The following VRK2 variants were observed in gnomAD, a reference collection of about 807,000 sequenced individuals.
VRK2 encodes VRK serine/threonine kinase 2, also known as serine/threonine-protein kinase VRK2.
A neutral mutation model predicts 57.6 loss-of-function variants in VRK2; 60 were observed. The observed-to-expected ratio is 1.04, with a 90% CI of 0.85 to 1.29. The LOEUF is 1.29. Among genes scored for constraint, VRK2 ranks in the 50% most tolerant of loss-of-function variants. The pLI is 0.00. For missense variants in VRK2, 705 were observed against 588.1 expected (o/e 1.20, Z -2.06); for synonymous variants, 231 against 199.2 (o/e 1.16, Z -1.35).
intron 1 of VRK2, among the ~76,000 whole-genome samples, chr2:57,969,439 T>C (rs1302250226): frequency 6.6e-6 from 1 of 151,988 alleles, no homozygotes; most frequent in Non-Finnish European, 1.5e-5. Context: ...TTATTTTTTA[T>C]TTACACTTTT....
chr2:58,102,492 TAAAAA>T (rs570889511), intron 7 of VRK2, among the ~76,000 whole-genome samples: 9 of 105,362 alleles, frequency 8.5e-5, no homozygotes, highest in Non-Finnish European at 1.7e-4. Flanking sequence ...CAAAAACAGT[TAAAAA>T]AAAAAAAAAA....
chr2:57,975,798 A>C (rs1297657041), intron 1 of VRK2, among the ~76,000 whole-genome samples: 1 of 150,718 alleles, frequency 6.6e-6, no homozygotes, highest in Non-Finnish European at 1.5e-5. Flanking sequence ...AGTTGGGTAC[A>C]TGTGCAGATT....
chr2:57,969,848 T>G (rs2717045), intron 1 of VRK2, among the ~76,000 whole-genome samples: 173 of 152,162 alleles, frequency 1.1e-3, no homozygotes, highest in Non-Finnish European at 1.2e-3. Flanking sequence ...GGTAGCCCCA[T>G]TGTCCACCTT....
At chr2:58,142,256 G>A (rs1424431553) in intron 11 of VRK2, among the ~76,000 whole-genome samples, 3 of 151,382 alleles carry the variant, frequency 2.0e-5, no homozygotes, top group African/African-American at 4.8e-5. Context: ...TTTTGATTAG[G>A]TATTAGAAGG....
chr2:57,951,747 C>T (rs1258661131), intron 1 of VRK2, among the ~76,000 whole-genome samples: 1 of 151,930 alleles, frequency 6.6e-6, no homozygotes, highest in Admixed American at 6.6e-5. Context: ...CAGTTTTAAG[C>T]AATAAAGCAT....
chr2:58,042,865 T>C (rs899343734), upstream of VRK2, among the ~76,000 whole-genome samples: 8 of 152,222 alleles, frequency 5.3e-5, no homozygotes, highest in African/African-American at 1.9e-4. Flanking sequence ...GATTCTCTTT[T>C]CTTTCTTGTT....
intron 1 of VRK2, among the ~76,000 whole-genome samples, chr2:58,015,159 C>A (rs1306623476): frequency 1.3e-5 from 2 of 152,134 alleles, no homozygotes; most frequent in Non-Finnish European, 2.9e-5. Flanking sequence ...ATCAAGAACA[C>A]CTATTAAGTC....
intron 7 of VRK2, among the ~76,000 whole-genome samples, chr2:58,116,918 T>C (rs1409922041): frequency 1.3e-5 from 2 of 152,192 alleles, no homozygotes; most frequent in Non-Finnish European, 1.5e-5. Flanking sequence ...GCCTGGCTGC[T>C]GCGGTTCAGG....
chr2:58,075,999 CT>C (rs1290100743), intron 2 of VRK2, among the ~76,000 whole-genome samples: 4 of 151,350 alleles, frequency 2.6e-5, no homozygotes, highest in African/African-American at 9.7e-5. Context: ...CAGTTTTTTT[CT>C]TTTTTCTCCC....
intron 8 of VRK2, among the ~76,000 whole-genome samples, chr2:58,124,332 A>G (rs911001919): frequency 5.3e-5 from 8 of 152,222 alleles, no homozygotes; most frequent in East Asian, 1.9e-4. Context: ...AATATGGTCA[A>G]TGCAACTGTA....
At chr2:58,042,811 ATATTT>A (rs765899804), upstream of VRK2, among the ~76,000 whole-genome samples, 5 of 152,064 alleles carry the variant, frequency 3.3e-5, no homozygotes, top group Non-Finnish European at 5.9e-5. Flanking sequence ...AGTTTTCCCC[ATATTT>A]TTTTTCTGAT....
At chr2:58,087,444 T>G (rs1177035566) in intron 5 of VRK2, among the ~76,000 whole-genome samples, 2 of 152,174 alleles carry the variant, frequency 1.3e-5, no homozygotes, top group Non-Finnish European at 1.5e-5. Context: ...GATGAGATAC[T>G]ATTGAAAAAA....
chr2:58,126,286 C>T (rs892518409), intron 8 of VRK2, among the ~76,000 whole-genome samples: 1 of 152,080 alleles, frequency 6.6e-6, no homozygotes, highest in Non-Finnish European at 1.5e-5. Flanking sequence ...GAGTTAGCCA[C>T]TCAATAGAGA....
chr2:57,983,408 T>G (rs931329156), intron 1 of VRK2, among the ~76,000 whole-genome samples: 20 of 152,206 alleles, frequency 1.3e-4, no homozygotes, highest in African/African-American at 4.3e-4. Flanking sequence ...TCCACAGCCT[T>G]AATCACATCT....
At chr2:57,918,548 T>A (rs914300308) in intron 1 of VRK2, among the ~76,000 whole-genome samples, 1 of 152,086 alleles carries the variant, frequency 6.6e-6, no homozygotes, top group African/African-American at 2.4e-5. Flanking sequence ...GGTAAAATCT[T>A]CTTCACTTTC....
chr2:57,935,033 A>G (rs1233459516), intron 1 of VRK2, among the ~76,000 whole-genome samples: 2 of 152,180 alleles, frequency 1.3e-5, no homozygotes, highest in African/African-American at 4.8e-5. Context: ...GTTTCTTAAA[A>G]CAATTATTTT....
chr2:58,049,150 CTTG>C (rs1251529407), intron 2 of VRK2, among the ~76,000 whole-genome samples, 183 bp downstream of exon 2: 2 of 152,144 alleles, frequency 1.3e-5, no homozygotes, highest in Admixed American at 6.5e-5. Flanking sequence ...TGACCCACTC[CTTG>C]TTGTCCATGT....
chr2:57,940,963 T>C (rs2717036), intron 1 of VRK2, among the ~76,000 whole-genome samples: 98,307 of 151,818 alleles, frequency 0.65, 32,124 homozygotes, highest in African/African-American at 0.75. Context: ...TTATTACAGA[T>C]CTTAGAGAGT....
chr2:57,947,806 T>C (rs1386538765), intron 1 of VRK2, among the ~76,000 whole-genome samples: 2 of 152,202 alleles, frequency 1.3e-5, no homozygotes, highest in Non-Finnish European at 2.9e-5. Flanking sequence ...CAGAACCTTC[T>C]ATATTATTCA....
Sources: allele counts gnomAD v4.1 joint callset (sites outside exome capture counted in the v4.1 genomes callset), GRCh38; gene constraint gnomAD v4.1.1; transcripts MANE v1.5; gene names NCBI Gene and HGNC (gene_info 2026-07-23, HGNC 2026-07-21).